Variants in NT5DC2 observed in about 807,000 individuals in gnomAD.
NT5DC2 encodes 5'-nucleotidase domain containing 2.
Under a neutral mutation model 70.0 loss-of-function variants are expected in NT5DC2, and 41 were observed. The ratio of observed to expected loss-of-function variants is 0.59; its 90% CI spans 0.46 to 0.76. The LOEUF is 0.76. Ranked by LOEUF, NT5DC2 falls within the 30% of genes least tolerant of loss-of-function variation. The pLI, the probability that NT5DC2 is intolerant of heterozygous loss-of-function variation, is 0.00. For synonymous variants in NT5DC2, 299 were observed against 310.4 expected (o/e 0.96, Z 0.39); for missense variants, 705 against 783.2 (o/e 0.90, Z 1.19).
In NT5DC2 at chr3:52,524,990, C is replaced by G. The variant is rs1222591362; in HGVS notation, c.1320G>C (p.Ala440=). 6.2e-7 allele frequency: 1 copy of G among 1,610,700 alleles called. No individual in the cohort carries two copies. The highest frequency in any genetic ancestry group is 1.7e-5 in the Admixed American group (1 of 59,888). The change falls in exon 12 of 14, where the codon GCG becomes GCC. Residue 440 remains alanine, a synonymous_variant. Coordinates refer to ENST00000422318, the MANE Select transcript of NT5DC2 (RefSeq NM_001134231.2). ...GCATGCGCTCCAGCAGCCCCGTGAG[C>G]GCCTGCTGCCACGTCAGCGAGTGCA... The part of the protein sequence containing the change: ...QYMHSLTWQQ[A]LTGLLERMQT...
At chr3:52,533,459 T>TC (rs1182157330) in intron 1 of NT5DC2, 47 bp downstream of exon 1, 2 of 1,475,734 alleles carry the variant, frequency 1.4e-6, no homozygotes, top group African/African-American at 3.0e-5. Flanking sequence ...CGTCCATCAG[T>TC]CCACGCGGAA....
chr3:52,532,246 G>A, intron 1 of NT5DC2: 1 of 985,434 alleles, frequency 1.0e-6, no homozygotes, highest in Non-Finnish European at 1.2e-6. Flanking sequence ...ATGCAGGCAG[G>A]CCCAGGAGGA....
In NT5DC2 at chr3:52,529,807, C is replaced by T. The variant is rs907082911; in HGVS notation, c.233-473G>A. The T allele has an allele frequency of 2.1e-5, 4 of 187,920 alleles. No individual in the cohort carries two copies. Among genetic ancestry groups the T allele is most frequent in the Admixed American group, 2.1e-4 (4 of 19,022 alleles). 11.6% of individuals were successfully genotyped at this position (187,920 alleles called of 1,614,324 possible). A position where few individuals can be genotyped will look rare whatever the true frequency, so the allele number is the denominator to read the frequency against. The stretch of plus-strand genomic sequence containing the variant: ...CACTGTCTGGCCCCCCACAATTCAG[C>T]GCCTCCTCTGCTCCTCTCAGCTGCC... On this transcript the variant is annotated intron_variant, in intron 1 of 13. Transcript: ENST00000422318. This position sits in a 1 kb window ranked among gnomAD's most constrained non-coding sequence, Gnocchi z 4.1.
At chr3:52,525,412 G>A (rs1000810387) in intron 10 of NT5DC2, 117 bp from the exon 11 acceptor site, 2 of 723,836 alleles carry the variant, frequency 2.8e-6, no homozygotes, top group Non-Finnish European at 4.8e-6. Context: ...CCTTTCCCAT[G>A]GCCTTGCTGC....
upstream of NT5DC2, chr3:52,534,273 C>G: frequency 1.7e-6 from 1 of 579,332 alleles, no homozygotes; most frequent in Non-Finnish European, 3.1e-6. Context: ...TGGTGCTCTC[C>G]TTTCCCGGGG....
intron 3 of NT5DC2, 77 bp from the exon 4 acceptor site, chr3:52,528,769 A>G: frequency 6.2e-7 from 1 of 1,605,026 alleles, no homozygotes; most frequent in Non-Finnish European, 8.5e-7. Flanking sequence ...CTTTCAGCCC[A>G]TGCCAGAACC....
Position 52,529,119 on chromosome 3 carries a change from G to GA in NT5DC2, c.417+30_417+31insT. On this transcript the variant is annotated intron_variant, in intron 2 of 13. Transcript: ENST00000422318. This position sits in a 1 kb window ranked among gnomAD's most constrained non-coding sequence, Gnocchi z 4.1. ...GGGTCTGGCCAGCCTCCAAGCCCTG[G>GA]GTTTGTTGGTGGCAAGGACCCCCGT... is the stretch of plus-strand genomic sequence containing the variant. 1 of 1,613,286 alleles carries GA rather than the reference G, an allele frequency of 6.2e-7. No individual in the cohort carries two copies. Among genetic ancestry groups the GA allele is most frequent in the Non-Finnish European group, 8.5e-7 (1 of 1,179,384 alleles).
Position 52,525,448 on chromosome 3 carries a change from C to A in NT5DC2, c.1120-153G>T, listed in dbSNP as rs758448714. Reference sequence around the variant, plus strand: ...TCCCTCCCTGGGCCCTGGTTCTTGTCACTTTCCCCTCCTACTTGGGAAGGG... The same window carrying A: ...TCCCTCCCTGGGCCCTGGTTCTTGTAACTTTCCCCTCCTACTTGGGAAGGG... On this transcript the variant is annotated intron_variant, in intron 10 of 13. Transcript: ENST00000422318. The A allele has an allele frequency of 7.9e-6, 5 of 630,092 alleles. No individual in the cohort carries two copies. The South Asian group carries it at 9.6e-5, about 12-fold the overall frequency. 39.0% of individuals were successfully genotyped at this position (630,092 alleles called of 1,614,324 possible). A position where few individuals can be genotyped will look rare whatever the true frequency, so the allele number is the denominator to read the frequency against.
rs1202561894 is a variant in NT5DC2 at position 52,533,730 on chromosome 3, C to T, written c.8G>A (p.Gly3Asp). The T allele has an allele frequency of 6.1e-6, 6 of 982,704 alleles. No individual in the cohort carries two copies. In the East Asian group the frequency reaches 5.6e-4, roughly 92 times the overall value. The allele number at this position is 982,704 out of a possible 1,614,324, so 60.9% of individuals were successfully genotyped here. A position where few individuals can be genotyped will look rare whatever the true frequency, so the allele number is the denominator to read the frequency against. Residue 3 changes from glycine (G) to aspartate (D), a missense_variant, in exon 1 of 14, where the codon GGT (glycine) becomes GAT (aspartate). Coordinates refer to ENST00000422318, the MANE Select transcript of NT5DC2 (RefSeq NM_001134231.2). ...CCGAGCGGCCGCCCGCAGCCCCGCACCCGCCATGCCCACCGCGCGCCGCCC... is the reference window on the plus strand; with the variant it reads ...CCGAGCGGCCGCCCGCAGCCCCGCATCCGCCATGCCCACCGCGCGCCGCCC... MA[G>D]AGLRAAARRW...
intron 1 of NT5DC2, chr3:52,532,116 G>A (rs1304640000): frequency 2.2e-6 from 2 of 929,230 alleles, no homozygotes; most frequent in African/African-American, 1.8e-5. Context: ...AGCCCAAAGC[G>A]GACCTCGGCG....
rs189586536 is a variant in NT5DC2 at position 52,528,841 on chromosome 3, A to G, written c.492+20T>C. The G allele has an allele frequency of 4.2e-5, 68 of 1,612,982 alleles. No individual in the cohort carries two copies. The highest frequency in any genetic ancestry group is 5.8e-5 in the Non-Finnish European group (68 of 1,179,276). On this transcript the variant is annotated intron_variant, in intron 3 of 13. Transcript: ENST00000422318. ...AGAGGAGGCCAAGGAGGGAGCCCCT[A>G]TACAGGTCCAGCCACTCACCTTCTG...
Position 52,529,872 on chromosome 3 carries a change from A to G in NT5DC2, c.233-538T>C, listed in dbSNP as rs2079336933. 2 of 165,710 alleles carry G rather than the reference A, an allele frequency of 1.2e-5. No individual in the cohort carries two copies. The highest frequency in any genetic ancestry group is 4.8e-5 in the African/African-American group (2 of 41,802). 10.3% of individuals were successfully genotyped at this position (165,710 alleles called of 1,614,324 possible). ...GGCCTCATCTCTCAGCCTCCCTGGG[A>G]TTATGTGTGAGGATACCATGTGGGC... On this transcript the variant is annotated intron_variant, in intron 1 of 13. Coordinates refer to ENST00000422318, the MANE Select transcript of NT5DC2 (RefSeq NM_001134231.2). The surrounding 1 kb of genome is among the most constrained non-coding windows in gnomAD (Gnocchi z 4.1).
Position 52,527,298 on chromosome 3 carries a change from C to T in NT5DC2, c.1115G>A (p.Arg372Gln), listed in dbSNP as rs1226976725. The T allele has an allele frequency of 4.3e-6, 7 of 1,613,968 alleles. No individual in the cohort carries two copies. Among genetic ancestry groups the T allele is most frequent in the East Asian group, 4.5e-5 (2 of 44,892 alleles). ...ITRLEKGKIY[R>Q]QGNLFDFLRL... ...CTCTCCCCAGATGGCCCTTACCTGC[C>T]GATAGATCTTGCCCTTTTCCAAGCG... is the stretch of plus-strand genomic sequence containing the variant. Residue 372 changes from arginine to glutamine, a missense_variant, in exon 10 of 14, where the codon CGG becomes CAG. Arg to Gln is a conservative substitution (Grantham distance 43, BLOSUM62 1). Transcript: ENST00000422318.
At chr3:52,526,937 T>C (rs1267347547) in intron 10 of NT5DC2, among the ~76,000 whole-genome samples, 1 of 152,214 alleles carries the variant, frequency 6.6e-6, no homozygotes, top group African/African-American at 2.4e-5. Flanking sequence ...CTGCTGGGAT[T>C]ATAGGCATGA....
intron 10 of NT5DC2, chr3:52,525,553 C>A: frequency 2.0e-6 from 1 of 509,504 alleles, no homozygotes; most frequent in Non-Finnish European, 3.6e-6. Flanking sequence ...TGTGGTCTCA[C>A]ACGTACCCCA....
upstream of NT5DC2, chr3:52,534,844 A>T: frequency 1.5e-6 from 1 of 656,230 alleles, no homozygotes. Context: ...TTGATTGAAG[A>T]CCTACAGTGT....
At chr3:52,533,003 G>A (rs929156628) in intron 1 of NT5DC2, among the ~76,000 whole-genome samples, 2 of 152,196 alleles carry the variant, frequency 1.3e-5, no homozygotes, top group Non-Finnish European at 2.9e-5. Flanking sequence ...TCGCTGCCCG[G>A]GCTGAGAGGG....
At position 52,527,864 on chromosome 3, in the gene NT5DC2, C is replaced by T. The variant is rs1158140299; in HGVS notation, c.900G>A (p.Gln300=). The change falls in exon 8 of 14, where the codon CAG becomes CAA. Residue 300 remains glutamine, a synonymous_variant. Coordinates refer to ENST00000422318, the MANE Select transcript of NT5DC2 (RefSeq NM_001134231.2). Reference sequence around the variant, plus strand: ...AAGGACTGTTGGTGATGAGGAACAGCTGTTTCCCATGGGCCACCAGGCGGC... The same window carrying T: ...AAGGACTGTTGGTGATGAGGAACAGTTGTTTCCCATGGGCCACCAGGCGGC... ...VLSRLVAHGK[Q]LFLITNSPFS... is the part of the protein sequence containing the mutation. 1.9e-6 allele frequency: 3 copies of T among 1,613,354 alleles called. No homozygotes were observed. The highest frequency in any genetic ancestry group is 2.5e-6 in the Non-Finnish European group (3 of 1,180,046).
At chr3:52,528,823 G>A (rs1196293237) in intron 3 of NT5DC2, 38 bp downstream of exon 3, 12 of 1,607,052 alleles carry the variant, frequency 7.5e-6, no homozygotes, top group African/African-American at 2.7e-5. Context: ...CCAAGAGGAG[G>A]CCAAGGAGGG....
Sources: allele counts gnomAD v4.1 joint callset (sites outside exome capture counted in the v4.1 genomes callset), GRCh38; gene constraint gnomAD v4.1.1; non-coding constraint Gnocchi (gnomAD v3.1); transcripts MANE v1.5; gene names NCBI Gene and HGNC (gene_info 2026-07-23, HGNC 2026-07-21).